NTM: variants seen among roughly 807,000 people sequenced by gnomAD.
NTM encodes neurotrimin.
NTM carries 13 observed loss-of-function variants against 42.1 expected under a neutral mutation model. That is an observed-to-expected ratio of 0.31 (90% confidence interval 0.20 to 0.49). NTM has a LOEUF of 0.49. NTM is among the 20% of genes least tolerant of loss of function. NTM has a pLI of 0.99. For synonymous variants in NTM, 187 were observed against 179.2 expected (o/e 1.04, Z -0.35); for missense variants, 373 against 452.8 (o/e 0.82, Z 1.60).
At chr11:131,825,512 C>T (rs2042023519) in intron 1 of NTM, among the ~76,000 whole-genome samples, 1 of 152,026 alleles carries the variant, frequency 6.6e-6, no homozygotes, top group Non-Finnish European at 1.5e-5. Flanking sequence ...GTTCTTTATC[C>T]TCAGATTTTG....
chr11:131,569,727 C>T (rs977758851), intron 1 of NTM, among the ~76,000 whole-genome samples: 3 of 152,254 alleles, frequency 2.0e-5, no homozygotes, highest in Non-Finnish European at 2.9e-5. Flanking sequence ...CAGGTGCCCA[C>T]CACTATGCCT....
At chr11:131,821,729 G>T (rs900429884) in intron 1 of NTM, among the ~76,000 whole-genome samples, 1 of 152,174 alleles carries the variant, frequency 6.6e-6, no homozygotes, top group African/African-American at 2.4e-5. Context: ...GGGCTCTGGG[G>T]CTGGGGAGAA....
At chr11:131,608,284 T>G (rs1423835215) in intron 1 of NTM, among the ~76,000 whole-genome samples, 3 of 152,186 alleles carry the variant, frequency 2.0e-5, no homozygotes, top group Non-Finnish European at 4.4e-5. Flanking sequence ...ATTTTCTTAA[T>G]CCAGTCTACC....
intron 1 of NTM, among the ~76,000 whole-genome samples, chr11:131,831,339 G>A (rs143321904): frequency 7.9e-5 from 12 of 152,278 alleles, no homozygotes; most frequent in African/African-American, 2.2e-4. Context: ...TCTGATGCAT[G>A]TTGAAGTCCC....
chr11:131,648,894 G>A (rs886999766), intron 1 of NTM, among the ~76,000 whole-genome samples: 2 of 152,124 alleles, frequency 1.3e-5, no homozygotes, highest in Non-Finnish European at 2.9e-5. Context: ...ACTTTTGGTG[G>A]CACATCCAGA....
At chr11:131,619,810 C>T (rs1045568238) in intron 1 of NTM, among the ~76,000 whole-genome samples, 4 of 151,526 alleles carry the variant, frequency 2.6e-5, no homozygotes, top group Non-Finnish European at 4.4e-5. Context: ...TACCGCTAAA[C>T]ATCTTCTTTT....
In NTM at chr11:132,231,017, A is replaced by G. The variant is rs566684602; in HGVS notation, c.526+18870A>G. Among the ~76,000 whole-genome samples the G allele has an allele frequency of 3.9e-5, 6 of 152,336 alleles. No homozygotes were observed. The South Asian group carries it at 1.2e-3, about 32-fold the overall frequency. On this transcript the variant is annotated intron_variant, in intron 4 of 8. Transcript: ENST00000683400. Reference sequence around the variant, plus strand: ...ATAGAGTGACACCTTGTCTCTCATAATAATTGTAATAATAATGCTCAATAA... The same window carrying G: ...ATAGAGTGACACCTTGTCTCTCATAGTAATTGTAATAATAATGCTCAATAA...
intron 1 of NTM, among the ~76,000 whole-genome samples, chr11:131,791,184 G>A (rs1185034860): frequency 6.6e-6 from 1 of 152,176 alleles, no homozygotes; most frequent in African/African-American, 2.4e-5. Flanking sequence ...GTCAAAGCTA[G>A]TTTCAGCCTA....
At chr11:132,316,500 T>C (rs148133912) in intron 7 of NTM, among the ~76,000 whole-genome samples, 4 of 152,312 alleles carry the variant, frequency 2.6e-5, no homozygotes, top group Admixed American at 6.5e-5. Context: ...AGTAGTAGTA[T>C]GTATTCAAAT....
chr11:131,788,586 G>A (rs1281167769), intron 1 of NTM, among the ~76,000 whole-genome samples: 1 of 151,952 alleles, frequency 6.6e-6, no homozygotes, highest in Non-Finnish European at 1.5e-5. Flanking sequence ...TCTATTGTTT[G>A]AAAACAATAT....
intron 1 of NTM, among the ~76,000 whole-genome samples, chr11:131,663,970 T>G (rs2134512633): frequency 6.6e-6 from 1 of 152,286 alleles, no homozygotes; most frequent in South Asian, 2.1e-4. Flanking sequence ...ATTTGTGCAC[T>G]TAACTGCTTT....
At chr11:131,590,294 G>A (rs2059252106) in intron 1 of NTM, among the ~76,000 whole-genome samples, 1 of 152,154 alleles carries the variant, frequency 6.6e-6, no homozygotes, top group South Asian at 2.1e-4. Context: ...GAGCAGGTGG[G>A]AGCAGAGATA....
intron 4 of NTM, among the ~76,000 whole-genome samples, chr11:132,214,129 G>C (rs565156802): frequency 1.0e-3 from 158 of 152,282 alleles, no homozygotes; most frequent in African/African-American, 3.4e-3. Flanking sequence ...CTCACATGTG[G>C]ACTGGCCCAA....
intron 2 of NTM, among the ~76,000 whole-genome samples, chr11:132,095,584 A>G (rs770455062): frequency 7.2e-5 from 11 of 152,204 alleles, no homozygotes; most frequent in Non-Finnish European, 1.2e-4. Flanking sequence ...ATTGGGACAA[A>G]GGCAGCTGCT....
intron 2 of NTM, among the ~76,000 whole-genome samples, chr11:132,120,833 G>T (rs1482196118): frequency 1.3e-5 from 2 of 152,102 alleles, no homozygotes; most frequent in African/African-American, 2.4e-5. Context: ...GAACCCCAAG[G>T]TGCCTCTTGG....
At chr11:131,898,552 T>C (rs2137656224) in intron 1 of NTM, among the ~76,000 whole-genome samples, 1 of 152,336 alleles carries the variant, frequency 6.6e-6, no homozygotes, top group Non-Finnish European at 1.5e-5. Context: ...ATTTCTAACA[T>C]TCATCTCTTC....
intron 2 of NTM, among the ~76,000 whole-genome samples, chr11:132,033,210 A>G (rs1187405541): frequency 6.6e-6 from 1 of 152,232 alleles, no homozygotes; most frequent in Non-Finnish European, 1.5e-5. Flanking sequence ...CTCCTCCGAA[A>G]GAGAAAGTAG....
chr11:132,095,370 A>G (rs182017354), intron 2 of NTM, among the ~76,000 whole-genome samples: 22 of 152,054 alleles, frequency 1.4e-4, no homozygotes, highest in African/African-American at 4.6e-4. Context: ...GAACCCTTTC[A>G]TCCACTGTCT....
intron 1 of NTM, among the ~76,000 whole-genome samples, chr11:131,462,408 T>TA (rs1373159606): frequency 6.6e-6 from 1 of 152,160 alleles, no homozygotes; most frequent in Non-Finnish European, 1.5e-5. Flanking sequence ...ACATCCGTTT[T>TA]AAAAAACAAA....
Sources: gnomAD v4.1 joint callset for allele counts (sites outside exome capture counted in the v4.1 genomes callset) on GRCh38, gnomAD v4.1.1 for gene constraint, MANE v1.5 for transcripts, NCBI Gene and HGNC (gene_info 2026-07-23, HGNC 2026-07-21) for gene names.